Variants in CCPG1 observed in about 807,000 individuals in gnomAD.
The protein encoded by CCPG1 is cell cycle progression protein 1.
A neutral mutation model predicts 81.3 loss-of-function variants in CCPG1; 46 were observed. That is an observed-to-expected ratio of 0.57 (90% CI 0.45 to 0.72). The LOEUF is 0.72. Ranked by LOEUF, CCPG1 falls within the 30% of genes least tolerant of loss-of-function variation. CCPG1 has a pLI of 0.00. For missense variants in CCPG1, 902 were observed against 937.6 expected (o/e 0.96, Z 0.50); for synonymous variants, 330 against 305.2 (o/e 1.08, Z -0.85).
At chr15:55,406,483 ACT>A (rs1416572775) in intron 1 of CCPG1, among the ~76,000 whole-genome samples, 7 of 120,470 alleles carry the variant, frequency 5.8e-5, no homozygotes, top group African/African-American at 1.6e-4. Context: ...AGATAATCTC[ACT>A]CTGTCACCCA....
intron 6 of CCPG1, among the ~76,000 whole-genome samples, chr15:55,368,611 G>A (rs2056381017): frequency 1.3e-5 from 2 of 152,166 alleles, no homozygotes; most frequent in South Asian, 2.1e-4. Flanking sequence ...GCAAATGTAA[G>A]AATAAGAAAG....
intron 1 of CCPG1, among the ~76,000 whole-genome samples, chr15:55,402,986 C>T (rs554492479): frequency 1.3e-5 from 2 of 152,268 alleles, no homozygotes; most frequent in East Asian, 3.9e-4. Flanking sequence ...TGGAAAAAGC[C>T]ACCAATCTCT....
intron 7 of CCPG1, among the ~76,000 whole-genome samples, chr15:55,364,761 T>C (rs904390946): frequency 6.7e-6 from 1 of 150,372 alleles, no homozygotes; most frequent in Non-Finnish European, 1.5e-5. Flanking sequence ...TAATCCCAGC[T>C]ACTTGGGAGG....
chr15:55,382,069 A>T (rs141748000), intron 3 of CCPG1, among the ~76,000 whole-genome samples: 1 of 152,340 alleles, frequency 6.6e-6, no homozygotes, highest in Non-Finnish European at 1.5e-5. Flanking sequence ...CCTTCAGTGA[A>T]TTGTAATATT....
chr15:55,357,415 T>A lies in CCPG1; in HGVS notation c.2235-1006A>T, dbSNP rs193178940. ...TTATATTGACCACCTTCTAGCTTCATACCTTTCCCATCAATCCTCTAGGCT... is the reference window on the plus strand; with the variant it reads ...TTATATTGACCACCTTCTAGCTTCAAACCTTTCCCATCAATCCTCTAGGCT... On this transcript the variant is annotated intron_variant, in intron 8 of 8. Transcript: ENST00000442196. 4.0e-4 allele frequency: 397 copies of A among 985,506 alleles called. 4 individuals are homozygous for A. Among genetic ancestry groups the A allele is most frequent in the Non-Finnish European group, 2.9e-4 (243 of 829,956 alleles). 61.0% of individuals were successfully genotyped at this position (985,506 alleles called of 1,614,324 possible).
intron 1 of CCPG1, among the ~76,000 whole-genome samples, chr15:55,401,680 AC>A (rs1416778861): frequency 5.6e-5 from 8 of 142,164 alleles, no homozygotes; most frequent in Admixed American, 1.4e-4. Context: ...AAAAAAAAAA[AC>A]CACTACTACC....
At chr15:55,382,687 T>A (rs935591263) in intron 3 of CCPG1, among the ~76,000 whole-genome samples, 1 of 152,048 alleles carries the variant, frequency 6.6e-6, no homozygotes, top group African/African-American at 2.4e-5. Flanking sequence ...TTGTTTGTAT[T>A]TTTAGTAGAG....
At chr15:55,375,467 G>A (rs1383641931) in intron 5 of CCPG1, among the ~76,000 whole-genome samples, 1 of 151,922 alleles carries the variant, frequency 6.6e-6, no homozygotes, top group Non-Finnish European at 1.5e-5. Flanking sequence ...AAAATTTGAT[G>A]ACTAACAAGG....
chr15:55,385,771 T>A, intron 2 of CCPG1, 57 bp from the exon 3 acceptor site: 1 of 871,766 alleles, frequency 1.1e-6, no homozygotes, highest in East Asian at 2.5e-5. Flanking sequence ...AAAGCTAGAT[T>A]TGACTACATG....
In CCPG1 at chr15:55,355,989, G is replaced by C; in HGVS notation, c.*231C>G. The C allele has an allele frequency of 2.0e-6, 1 of 494,510 alleles. No homozygotes were observed. Among genetic ancestry groups the C allele is most frequent in the South Asian group, 3.0e-5 (1 of 33,274 alleles). 30.6% of individuals were successfully genotyped at this position (494,510 alleles called of 1,614,324 possible). On this transcript the variant is annotated 3_prime_UTR_variant, in exon 9 of 9. Transcript: ENST00000442196. ...GCCTGGCTTCCTTAATAAAACTACAGTTGAACATTTCCAGTGTCAAAAAAA... is the reference window on the plus strand; with the variant it reads ...GCCTGGCTTCCTTAATAAAACTACACTTGAACATTTCCAGTGTCAAAAAAA...
At chr15:55,366,877 A>G (rs946271520) in intron 6 of CCPG1, among the ~76,000 whole-genome samples, 1 of 150,772 alleles carries the variant, frequency 6.6e-6, no homozygotes, top group Non-Finnish European at 1.5e-5. Flanking sequence ...GTATGGGGGG[A>G]AAAAACCACG....
rs1029935271 is a variant in CCPG1, at chr15:55,377,170, G to A, written c.253-20C>T. 6.4e-7 allele frequency: 1 copy of A among 1,553,154 alleles called. No homozygotes were observed. Among genetic ancestry groups the A allele is most frequent in the Non-Finnish European group, 8.9e-7 (1 of 1,127,006 alleles). On this transcript the variant is annotated intron_variant, in intron 4 of 8. Coordinates refer to ENST00000442196, the MANE Select transcript of CCPG1 (RefSeq NM_001204450.2). ...CTCTGCCTGAAGAATCATAATTTTA[G>A]AGATGGTAAGTTCAACAATCATTTA... is the stretch of plus-strand genomic sequence containing the variant.
chr15:55,362,151 A>G lies in CCPG1; in HGVS notation c.829-1207T>C, dbSNP rs911670178. On this transcript the variant is annotated intron_variant, in intron 7 of 8. Transcript: ENST00000442196. ...TGCATTAGTAACAAAATCTAACCAA[A>G]AACAGTCAAAACTTAAACAATATGG... is the stretch of plus-strand genomic sequence containing the variant. Among the ~76,000 whole-genome samples the G allele has an allele frequency of 2.0e-5, 3 of 152,316 alleles. No individual in the cohort carries two copies. In the South Asian group the frequency reaches 6.2e-4, roughly 32 times the overall value.
At chr15:55,393,027 C>T (rs2056951892) in intron 1 of CCPG1, among the ~76,000 whole-genome samples, 1 of 152,156 alleles carries the variant, frequency 6.6e-6, no homozygotes, top group Non-Finnish European at 1.5e-5. Context: ...TTGCTTGAAC[C>T]CAGGAGGCGG....
chr15:55,371,767 T>G (rs990123101), intron 6 of CCPG1, 26 bp downstream of exon 6: 1 of 1,607,376 alleles, frequency 6.2e-7, no homozygotes, highest in Non-Finnish European at 8.5e-7. Context: ...CATCAGGTTA[T>G]GTATAACACA....
Position 55,360,272 on chromosome 15 carries a change from T to C in CCPG1, c.1501A>G (p.Lys501Glu), listed in dbSNP as rs1325397475. 1.2e-6 allele frequency: 2 copies of C among 1,613,982 alleles called. No homozygotes were observed. The highest frequency in any genetic ancestry group is 1.1e-5 in the South Asian group (1 of 91,062). The change falls in exon 8 of 9, where the codon AAG becomes GAG. Residue 501 changes from lysine to glutamate, a missense_variant. This residue lies in a region of CCPG1 where 746 missense variants were observed against 728.6 expected (regional missense o/e 1.02). Transcript: ENST00000442196. ...TCTTTATGATGCCTTACAAACTCCT[T>C]GGTAGAATTCTTCATGGCATCAAAT... The part of the protein sequence containing the change: ...ETFDAMKNST[K>E]EFVRHHKEKI...
At position 55,371,903 on chromosome 15, in the gene CCPG1, TC is replaced by T; in HGVS notation, c.595del (p.Glu199LysfsTer8). 1 of 1,614,222 alleles carries T rather than the reference TC, an allele frequency of 6.2e-7. No homozygotes were observed. Among genetic ancestry groups the T allele is most frequent in the Non-Finnish European group, 8.5e-7 (1 of 1,180,020 alleles). ...ESEDRLVAEQ[E>X]TEPSKELSKR... is the part of the protein sequence containing the mutation. ...ACTCAACTCCTTAGAAGGTTCAGTTTCTTGTTCAGCAACTAGCCGGTCTTCA... is the reference window on the plus strand; with the variant it reads ...ACTCAACTCCTTAGAAGGTTCAGTTTTTGTTCAGCAACTAGCCGGTCTTCA... On this transcript the variant is annotated frameshift_variant, in exon 6 of 9. Transcript: ENST00000442196. LOFTEE classifies it high-confidence loss of function.
At chr15:55,365,616 T>C (rs2056310547) in intron 6 of CCPG1, among the ~76,000 whole-genome samples, 1 of 151,692 alleles carries the variant, frequency 6.6e-6, no homozygotes, top group Admixed American at 6.6e-5. Flanking sequence ...TTTTGCCATG[T>C]TGGCCAGGCT....
chr15:55,395,732 A>G (rs559702184), intron 1 of CCPG1, among the ~76,000 whole-genome samples: 3 of 152,262 alleles, frequency 2.0e-5, no homozygotes, highest in South Asian at 4.1e-4. Flanking sequence ...ATTGTGCTGT[A>G]ATTGCTTGTT....
Sources: gnomAD v4.1 joint callset for allele counts (sites outside exome capture counted in the v4.1 genomes callset) on GRCh38, gnomAD v4.1.1 for gene constraint, gnomAD v4.1.1 regional missense constraint, MANE v1.5 for transcripts, NCBI Gene and HGNC (gene_info 2026-07-23, HGNC 2026-07-21) for gene names.